The following PHF24 variants were observed in gnomAD, a reference collection of about 807,000 sequenced individuals.
The protein encoded by PHF24 is Galpha inhibitory interacting protein.
PHF24 carries 25 observed loss-of-function variants against 42.6 expected under a neutral mutation model. The ratio of observed to expected loss-of-function variants is 0.59; its 90% CI spans 0.43 to 0.82. PHF24 has a LOEUF of 0.82. Among genes scored for constraint, PHF24 ranks in the 40% least tolerant of loss-of-function variants. The probability of loss-of-function intolerance (pLI) is 0.00; values close to 1 mark genes in which losing one functional copy is unlikely to be tolerated. For synonymous variants in PHF24, 185 were observed against 204.8 expected (o/e 0.90, Z 0.83); for missense variants, 470 against 538.1 (o/e 0.87, Z 1.25).
At chr9:34,917,415 T>C in the PHF24 span, 1 of 768,788 alleles carries the variant, frequency 1.3e-6, no homozygotes, top group Non-Finnish European at 2.4e-6. Flanking sequence ...ATGTATCTCG[T>C]TCCTGCTGCT....
At chr9:34,897,256 C>A in the PHF24 span, among the ~76,000 whole-genome samples, 1 of 152,224 alleles carries the variant, frequency 6.6e-6, no homozygotes, top group African/African-American at 2.4e-5. Flanking sequence ...ACGTGCTTAA[C>A]CCTAAGTTGG....
chr9:34,829,947 A>C, the PHF24 span, among the ~76,000 whole-genome samples: 1 of 152,242 alleles, frequency 6.6e-6, no homozygotes. Flanking sequence ...CTCTGTAACA[A>C]GATAGAGTTT....
At chr9:34,951,106 A>G in the PHF24 span, among the ~76,000 whole-genome samples, 11 of 152,226 alleles carry the variant, frequency 7.2e-5, no homozygotes, top group Non-Finnish European at 1.0e-4. Context: ...TACCGCAAAC[A>G]TAGTACAATA....
the PHF24 span, among the ~76,000 whole-genome samples, chr9:34,761,887 C>G: frequency 6.6e-6 from 1 of 152,160 alleles, no homozygotes; most frequent in African/African-American, 2.4e-5. Context: ...TGATGCTCCC[C>G]TTCCTGTGTC....
upstream of PHF24, chr9:34,958,220 C>CGCG (rs1563923983): frequency 1.1e-4 from 17 of 158,542 alleles, no homozygotes; most frequent in African/African-American, 3.7e-4. This position sits in a 1 kb window ranked among gnomAD's most constrained non-coding sequence, Gnocchi z 4.5. Flanking sequence ...TGTGCTCCGG[C>CGCG]CGCGCGCGCC....
chr9:34,856,748 T>G, the PHF24 span, among the ~76,000 whole-genome samples: 1 of 152,194 alleles, frequency 6.6e-6, no homozygotes, highest in Non-Finnish European at 1.5e-5. Context: ...TCTCACCCAG[T>G]CAGGAGGAAT....
chr9:34,722,659 T>C, the PHF24 span, among the ~76,000 whole-genome samples: 1 of 152,194 alleles, frequency 6.6e-6, no homozygotes, highest in Admixed American at 6.5e-5. Context: ...ATTTTTATTA[T>C]GGGTTCCTCC....
At chr9:34,763,803 T>C in the PHF24 span, among the ~76,000 whole-genome samples, 1 of 152,250 alleles carries the variant, frequency 6.6e-6, no homozygotes, top group Non-Finnish European at 1.5e-5. Context: ...CTTCCAGTTT[T>C]TGCCCATTCA....
the PHF24 span, among the ~76,000 whole-genome samples, chr9:34,883,190 T>G: frequency 6.6e-5 from 10 of 152,200 alleles, no homozygotes; most frequent in African/African-American, 2.4e-4. Context: ...GATCCCTTCC[T>G]TACACCTTAT....
At chr9:34,831,216 G>A in the PHF24 span, among the ~76,000 whole-genome samples, 1 of 152,224 alleles carries the variant, frequency 6.6e-6, no homozygotes, top group Non-Finnish European at 1.5e-5. Context: ...CCAGGCTTCT[G>A]TGGTGCCGTC....
the PHF24 span, chr9:34,832,406 AAGCT>A: frequency 8.5e-7 from 1 of 1,179,742 alleles, no homozygotes; most frequent in South Asian, 1.4e-5. Flanking sequence ...AGTGTAACCG[AAGCT>A]TATTGTCTAG....
the PHF24 span, among the ~76,000 whole-genome samples, chr9:34,790,744 T>C: frequency 5.3e-5 from 8 of 152,136 alleles, no homozygotes; most frequent in Admixed American, 4.6e-4. Context: ...AATGAAGAGA[T>C]TGCTGTTTAA....
chr9:34,848,719 C>G, the PHF24 span, among the ~76,000 whole-genome samples: 150 of 151,734 alleles, frequency 9.9e-4, 1 homozygote, highest in African/African-American at 3.6e-3. Flanking sequence ...ATCTTTCCTG[C>G]TTTCTCTTAT....
the PHF24 span, among the ~76,000 whole-genome samples, chr9:34,747,327 G>T: frequency 6.6e-6 from 1 of 152,180 alleles, no homozygotes; most frequent in South Asian, 2.1e-4. Flanking sequence ...GAAGTGCACG[G>T]ATCGCTTGAG....
the PHF24 span, among the ~76,000 whole-genome samples, chr9:34,694,402 C>G: frequency 2.0e-5 from 3 of 152,070 alleles, no homozygotes; most frequent in East Asian, 5.8e-4. Context: ...ACAATCTCAG[C>G]TCACTGCAAC....
chr9:34,916,064 T>C, the PHF24 span, among the ~76,000 whole-genome samples: 1 of 152,192 alleles, frequency 6.6e-6, no homozygotes. Flanking sequence ...TCTGCCATGA[T>C]TGTAAGTTTC....
the PHF24 span, among the ~76,000 whole-genome samples, chr9:34,818,641 A>G: frequency 5.3e-5 from 8 of 152,082 alleles, no homozygotes; most frequent in Non-Finnish European, 7.4e-5. Flanking sequence ...TTTTTCTTGT[A>G]ATTTGCCTCT....
At chr9:34,746,499 C>T in the PHF24 span, among the ~76,000 whole-genome samples, 17 of 152,048 alleles carry the variant, frequency 1.1e-4, no homozygotes, top group Non-Finnish European at 2.4e-4. Context: ...AAAGCAAGTG[C>T]AAGATTGAAA....
At chr9:34,971,637 T>C (rs1826992036) in exon 2 of PHF24, 1 of 1,613,450 alleles carries the variant, frequency 6.2e-7, no homozygotes, top group Non-Finnish European at 8.5e-7. Context: ...AGCTGGATGA[T>C]GACAAACCTC....
Sources: allele counts gnomAD v4.1 joint callset (sites outside exome capture counted in the v4.1 genomes callset), GRCh38; gene constraint gnomAD v4.1.1; non-coding constraint Gnocchi (gnomAD v3.1); transcripts MANE v1.5; gene names NCBI Gene and HGNC (gene_info 2026-07-23, HGNC 2026-07-21).